The following INTS9 variants were observed in gnomAD, a reference collection of about 807,000 sequenced individuals.
INTS9 encodes the protein integrator complex subunit 9, also known as protein related to CPSF subunits of 74 kDa.
In INTS9, 55 loss-of-function variants were observed where a neutral mutation model predicts 79.7. The ratio of observed to expected loss-of-function variants is 0.69; its 90% CI spans 0.56 to 0.86. The LOEUF (loss-of-function observed/expected upper bound fraction) is 0.86, where lower values mean the gene tolerates loss of function less well. Ranked by LOEUF, INTS9 falls within the 40% of genes least tolerant of loss-of-function variation. INTS9 has a pLI of 0.00. For synonymous variants in INTS9, 319 were observed against 325.2 expected, an observed-to-expected ratio of 0.98 and a Z score of 0.20; for missense variants, 721 against 831.5, an observed-to-expected ratio of 0.87 and a Z score of 1.64.
At position 28,793,718 on chromosome 8, in the gene INTS9, G is replaced by C. The variant is rs1804036732; in HGVS notation, c.1037+89C>G. ...CAAAATGAAATTTCCACAGTAATGT[G>C]AGAAAAAACAGGATTATTTTTATTC... On this transcript the variant is annotated intron_variant, in intron 10 of 16. Coordinates refer to ENST00000521022, the MANE Select transcript of INTS9 (RefSeq NM_018250.4). 4.2e-6 allele frequency: 5 copies of C among 1,198,400 alleles called. 1 individual carries two copies. In the South Asian group the frequency reaches 7.4e-5, roughly 18 times the overall value. The allele number at this position is 1,198,400 out of a possible 1,614,324, so 74.2% of individuals were successfully genotyped here. A position where few individuals can be genotyped will look rare whatever the true frequency, so the allele number is the denominator to read the frequency against.
intron 10 of INTS9, among the ~76,000 whole-genome samples, chr8:28,789,884 C>A (rs550534636): frequency 3.2e-4 from 12 of 37,896 alleles, no homozygotes; most frequent in African/African-American, 6.3e-4. Flanking sequence ...TCTCAAAAAC[C>A]AACCAACCAA....
intron 1 of INTS9, among the ~76,000 whole-genome samples, chr8:28,873,711 G>T (rs1809212697): frequency 1.3e-5 from 2 of 152,184 alleles, no homozygotes; most frequent in Non-Finnish European, 2.9e-5. Flanking sequence ...TGAATGAAAA[G>T]TATACCTAAA....
Position 28,770,858 on chromosome 8 carries a change from A to G in INTS9, c.1662+124T>C, listed in dbSNP as rs1229801842. 9.9e-6 allele frequency: 7 copies of G among 708,844 alleles called. No individual in the cohort carries two copies. The East Asian group carries it at 1.1e-4, about 11-fold the overall frequency. The allele number at this position is 708,844 out of a possible 1,614,324, so 43.9% of individuals were successfully genotyped here. On this transcript the variant is annotated intron_variant, in intron 15 of 16. Coordinates refer to ENST00000521022, the MANE Select transcript of INTS9 (RefSeq NM_018250.4). ...GGGCACAGCAGCCTCTCTGAGGCAC[A>G]TGGCCAGGGAAATAATTCTTCAACA...
chr8:28,828,608 T>C (rs1383363814), intron 6 of INTS9, among the ~76,000 whole-genome samples: 1 of 152,218 alleles, frequency 6.6e-6, no homozygotes, highest in Non-Finnish European at 1.5e-5. Context: ...CTATCTTCTC[T>C]TCCTATCATA....
intron 6 of INTS9, among the ~76,000 whole-genome samples, chr8:28,824,622 C>T (rs564143509): frequency 3.2e-4 from 49 of 152,222 alleles, no homozygotes; most frequent in Non-Finnish European, 4.7e-4. Flanking sequence ...GGCAGGAGTA[C>T]AGGGAAGTGG....
At chr8:28,778,123 C>G (rs1207191215) in intron 12 of INTS9, among the ~76,000 whole-genome samples, 170 bp from the exon 13 acceptor site, 1 of 152,082 alleles carries the variant, frequency 6.6e-6, no homozygotes, top group Non-Finnish European at 1.5e-5. Context: ...GAGGGGCAGG[C>G]TGGGATGGAC....
intron 6 of INTS9, among the ~76,000 whole-genome samples, chr8:28,820,000 G>C (rs1407134996): frequency 6.6e-6 from 1 of 151,374 alleles, no homozygotes; most frequent in Non-Finnish European, 1.5e-5. Flanking sequence ...TTTTCCATTT[G>C]CTTGGTAGAT....
intron 6 of INTS9, among the ~76,000 whole-genome samples, chr8:28,822,205 T>A (rs1185310608): frequency 6.6e-6 from 1 of 151,790 alleles, no homozygotes; most frequent in Non-Finnish European, 1.5e-5. Context: ...AAAACAGAGA[T>A]GGAAAAGAGA....
At chr8:28,835,465 T>TACGG in intron 5 of INTS9, 87 bp from the exon 6 acceptor site, 4 of 614,494 alleles carry the variant, frequency 6.5e-6, no homozygotes, top group South Asian at 2.4e-5. Context: ...GAGAAATGAC[T>TACGG]TGCCCACCTC....
intron 14 of INTS9, among the ~76,000 whole-genome samples, chr8:28,771,693 G>A (rs7821035): frequency 0.015 from 2,313 of 152,346 alleles, 70 homozygotes; most frequent in African/African-American, 0.052. Context: ...TATGGCGAGC[G>A]TGAAGCGGCC....
intron 1 of INTS9, among the ~76,000 whole-genome samples, chr8:28,876,953 A>C (rs1359134106): frequency 2.0e-5 from 3 of 152,174 alleles, no homozygotes; most frequent in Non-Finnish European, 2.9e-5. Context: ...AAAAGAAATA[A>C]AGGAAAAGAC....
intron 8 of INTS9, among the ~76,000 whole-genome samples, chr8:28,801,484 T>C (rs1254101874): frequency 6.9e-6 from 1 of 145,728 alleles, no homozygotes; most frequent in Non-Finnish European, 1.5e-5. Flanking sequence ...AGTAAGACTC[T>C]GTCTCAAAAC....
chr8:28,840,476 T>C (rs1394394146), intron 4 of INTS9, among the ~76,000 whole-genome samples: 2 of 142,278 alleles, frequency 1.4e-5, no homozygotes, highest in African/African-American at 2.7e-5. Context: ...CATGCTGCTA[T>C]AAAGACACAT....
intron 6 of INTS9, among the ~76,000 whole-genome samples, chr8:28,826,111 A>G (rs550511225): frequency 2.8e-4 from 43 of 152,310 alleles, no homozygotes; most frequent in South Asian, 1.4e-3. Context: ...TACATAGAAC[A>G]CTGTATTTAG....
intron 1 of INTS9, among the ~76,000 whole-genome samples, chr8:28,879,648 A>G (rs1187854695): frequency 6.6e-6 from 1 of 152,216 alleles, no homozygotes; most frequent in African/African-American, 2.4e-5. Flanking sequence ...AACAGCCAAA[A>G]AGCAGAAACA....
chr8:28,855,853 T>C (rs1808122681), intron 2 of INTS9, among the ~76,000 whole-genome samples: 1 of 152,226 alleles, frequency 6.6e-6, no homozygotes, highest in South Asian at 2.1e-4. Flanking sequence ...TCTTTGGAAA[T>C]ATACTTAAGC....
chr8:28,820,679 C>A (rs567406738), intron 6 of INTS9, among the ~76,000 whole-genome samples: 1 of 152,262 alleles, frequency 6.6e-6, no homozygotes, highest in East Asian at 1.9e-4. Flanking sequence ...CACAGATAAA[C>A]AATTATGAAC....
At chr8:28,867,795 TTAAAA>T (rs1260277311) in intron 1 of INTS9, among the ~76,000 whole-genome samples, 1 of 151,912 alleles carries the variant, frequency 6.6e-6, no homozygotes, top group Non-Finnish European at 1.5e-5. Flanking sequence ...TTTAAAGTAA[TTAAAA>T]TACGCATAGT....
At chr8:28,770,165 T>C in intron 15 of INTS9, 139 bp from the exon 16 acceptor site, 1 of 1,105,680 alleles carries the variant, frequency 9.0e-7, no homozygotes, top group Non-Finnish European at 1.3e-6. Context: ...CGGCACTCGG[T>C]TCAGGTTCCC....
Sources: allele counts gnomAD v4.1 joint callset (sites outside exome capture counted in the v4.1 genomes callset), GRCh38; gene constraint gnomAD v4.1.1; transcripts MANE v1.5; gene names NCBI Gene and HGNC (gene_info 2026-07-23, HGNC 2026-07-21).